SDK2: variants seen among roughly 807,000 people sequenced by gnomAD.
The protein encoded by SDK2 is sidekick cell adhesion molecule 2.
Under a neutral mutation model 253.9 loss-of-function variants are expected in SDK2, and 105 were observed. The ratio of observed to expected loss-of-function variants is 0.41; its 90% CI spans 0.35 to 0.49. SDK2 has a LOEUF of 0.49. Among genes scored for constraint, SDK2 ranks in the 20% least tolerant of loss-of-function variants. SDK2 has a pLI of 0.06. For synonymous variants in SDK2, 1,249 were observed against 1,234.9 expected (o/e 1.01, Z -0.24); for missense variants, 2,608 against 3,003.0 (o/e 0.87, Z 3.07).
chr17:73,336,877 T>TACAGGGCTGGCCTTACA lies in SDK2; in HGVS notation c.*1709_*1710insTGTAAGGCCAGCCCTGT, dbSNP rs35772919. ...CCCATCTCAGCGGTGGGGCAGGTGT[T>TACAGGGCTGGCCTTACA]GGGCTGGCCTTACAGGGCTGGCTGA... is the stretch of plus-strand genomic sequence containing the variant. On this transcript the variant is annotated 3_prime_UTR_variant, in exon 45 of 45. Coordinates refer to ENST00000392650, the MANE Select transcript of SDK2 (RefSeq NM_001144952.2). 8,204 of 152,672 alleles carry TACAGGGCTGGCCTTACA rather than the reference T, an allele frequency of 0.054. 250 individuals carry two copies. The highest frequency in any genetic ancestry group is 0.065 in the African/African-American group (2,700 of 41,504). 9.5% of individuals were successfully genotyped at this position (152,672 alleles called of 1,614,324 possible).
At chr17:73,641,561 A>G (rs1267998614) in intron 1 of SDK2, among the ~76,000 whole-genome samples, 1 of 152,122 alleles carries the variant, frequency 6.6e-6, no homozygotes, top group African/African-American at 2.4e-5. Flanking sequence ...TACCCAGGTG[A>G]TGTCGCTCAG....
chr17:73,427,433 A>G (rs1287219467), intron 12 of SDK2, among the ~76,000 whole-genome samples: 1 of 152,224 alleles, frequency 6.6e-6, no homozygotes, highest in African/African-American at 2.4e-5. Flanking sequence ...CTTTGGCACT[A>G]TAAACAGAGT....
At chr17:73,415,221 C>T (rs1461125113) in intron 17 of SDK2, among the ~76,000 whole-genome samples, 2 of 152,164 alleles carry the variant, frequency 1.3e-5, no homozygotes, top group African/African-American at 4.8e-5. Context: ...ATAGTAGGGG[C>T]CTGGTGAGAA....
At chr17:73,391,684 T>C in intron 27 of SDK2, 146 bp from the exon 28 acceptor site, 1 of 415,004 alleles carries the variant, frequency 2.4e-6, no homozygotes, top group Non-Finnish European at 4.4e-6. Context: ...GCCCTGTGCC[T>C]GACACTGTGT....
At chr17:73,582,222 G>A (rs112596646) in intron 1 of SDK2, among the ~76,000 whole-genome samples, 4 of 118,514 alleles carry the variant, frequency 3.4e-5, no homozygotes, top group African/African-American at 7.2e-5. Flanking sequence ...ATTTGGGGGC[G>A]CACACCACGC....
At chr17:73,444,458 C>T (rs2145638080) in intron 5 of SDK2, among the ~76,000 whole-genome samples, 1 of 150,898 alleles carries the variant, frequency 6.6e-6, no homozygotes, top group South Asian at 2.1e-4. Flanking sequence ...GAGCTCCTGG[C>T]ATAGGGTGGG....
At position 73,335,255 on chromosome 17, in the gene SDK2, G is replaced by C. The variant is rs1274015802; in HGVS notation, c.*3332C>G. 1.3e-5 allele frequency: 2 copies of C among 152,562 alleles called. No individual in the cohort carries two copies. The highest frequency in any genetic ancestry group is 2.9e-5 in the Non-Finnish European group (2 of 68,282). 9.5% of individuals were successfully genotyped at this position (152,562 alleles called of 1,614,324 possible). ...CAACTCTGGAGGCGCAGCCAGGAAG[G>C]GGAAAGCCCTGGTGTGCCCAGCATG... On this transcript the variant is annotated 3_prime_UTR_variant, in exon 45 of 45. Transcript: ENST00000392650.
intron 8 of SDK2, among the ~76,000 whole-genome samples, chr17:73,436,593 A>AT (rs1567772150): frequency 6.6e-6 from 1 of 150,940 alleles, no homozygotes; most frequent in African/African-American, 2.4e-5. Flanking sequence ...AAAAAAAAAA[A>AT]AAAAAAAAAG....
chr17:73,397,598 G>A (rs986268275), intron 24 of SDK2, among the ~76,000 whole-genome samples: 1 of 152,150 alleles, frequency 6.6e-6, no homozygotes, highest in African/African-American at 2.4e-5. Context: ...GATGGCCCAC[G>A]GTCAGGACCC....
chr17:73,480,034 G>A (rs1424074372), intron 2 of SDK2, among the ~76,000 whole-genome samples: 1 of 152,170 alleles, frequency 6.6e-6, no homozygotes, highest in African/African-American at 2.4e-5. Context: ...ATTAAGCCTA[G>A]TACCCAATAG....
At chr17:73,422,573 G>A (rs1031759451) in intron 14 of SDK2, 139 bp from the exon 15 acceptor site, 13 of 945,828 alleles carry the variant, frequency 1.4e-5, no homozygotes, top group East Asian at 1.2e-4. Flanking sequence ...GGAGTGGCCC[G>A]CCATGCCATT....
At chr17:73,499,918 A>T (rs1567808153) in intron 2 of SDK2, among the ~76,000 whole-genome samples, 1 of 147,880 alleles carries the variant, frequency 6.8e-6, no homozygotes, top group Non-Finnish European at 1.5e-5. Flanking sequence ...TGTTTGAGTG[A>T]TCGCCTTGCT....
At chr17:73,372,240 T>A (rs1249463308) in intron 36 of SDK2, among the ~76,000 whole-genome samples, 3 of 152,168 alleles carry the variant, frequency 2.0e-5, no homozygotes, top group African/African-American at 7.2e-5. Context: ...CTGACACGCG[T>A]GCAAAGGACA....
chr17:73,376,259 A>G (rs1233988187), intron 36 of SDK2, among the ~76,000 whole-genome samples: 1 of 140,792 alleles, frequency 7.1e-6, no homozygotes, highest in Non-Finnish European at 1.5e-5. Context: ...TTCATTTACC[A>G]CCACCTGGCG....
rs146223986 is a variant in SDK2 at position 73,414,741 on chromosome 17, C to T, written c.2387G>A (p.Gly796Asp). The T allele has an allele frequency of 6.2e-7, 1 of 1,613,592 alleles. No individual in the cohort carries two copies. Among genetic ancestry groups the T allele is most frequent in the Non-Finnish European group, 8.5e-7 (1 of 1,179,692 alleles). ...TLQGVPTVPP[G>D]NVHAEATNST... ...ATTGGTGGCTTCCGCGTGCACATTG[C>T]CCGGAGGGACCGTGGGAACTAGAGG... Residue 796 changes from glycine to aspartate, a missense_variant, in exon 18 of 45, where the codon GGC (glycine) becomes GAC (aspartate). Gly to Asp is a moderately conservative substitution (Grantham distance 94). Transcript: ENST00000392650.
chr17:73,485,307 G>T (rs1202779821), intron 2 of SDK2, among the ~76,000 whole-genome samples: 1 of 152,172 alleles, frequency 6.6e-6, no homozygotes, highest in Non-Finnish European at 1.5e-5. Flanking sequence ...AGGAGGAGGT[G>T]CTGTCCAGTG....
At position 73,541,702 on chromosome 17, in the gene SDK2, C is replaced by T. The variant is rs1165803300; in HGVS notation, c.65-34105G>A. ...TGAAAATGAGTTTGCCCAGAATGCACAGCGGCAGAAGGAAGGGGGCGCGGG... is the reference window on the plus strand; with the variant it reads ...TGAAAATGAGTTTGCCCAGAATGCATAGCGGCAGAAGGAAGGGGGCGCGGG... On this transcript the variant is annotated intron_variant, in intron 1 of 44. Transcript: ENST00000392650. This position sits in a 1 kb window ranked among gnomAD's most constrained non-coding sequence, Gnocchi z 4.3. Among the ~76,000 whole-genome samples the T allele has an allele frequency of 2.0e-5, 3 of 152,178 alleles. No individual in the cohort carries two copies. Among genetic ancestry groups the T allele is most frequent in the Non-Finnish European group, 4.4e-5 (3 of 68,036 alleles).
At chr17:73,429,577 C>T (rs766630488) in intron 12 of SDK2, among the ~76,000 whole-genome samples, 27 of 152,236 alleles carry the variant, frequency 1.8e-4, no homozygotes, top group Admixed American at 1.6e-3. Context: ...CGCCCCAGGA[C>T]GCAGCTGCCT....
Position 73,443,080 on chromosome 17 carries a change from A to C in SDK2, c.614-2157T>G, listed in dbSNP as rs113574774. 1.3e-5 allele frequency among the ~76,000 whole-genome samples: 2 copies of C among 152,176 alleles called. No individual in the cohort carries two copies. Among genetic ancestry groups the C allele is most frequent in the South Asian group, 2.1e-4 (1 of 4,818 alleles). On this transcript the variant is annotated intron_variant, in intron 5 of 44. Transcript: ENST00000392650. This position sits in a 1 kb window ranked among gnomAD's most constrained non-coding sequence, Gnocchi z 4.6. The stretch of plus-strand genomic sequence containing the variant: ...CCCCTTTCCAGAAGGTTCTGGAGGT[A>C]GTAGGCCATGATGACATGCTGGGCC...
Sources: gnomAD v4.1 joint callset for allele counts (sites outside exome capture counted in the v4.1 genomes callset) on GRCh38, gnomAD v4.1.1 for gene constraint, Gnocchi (gnomAD v3.1) non-coding constraint, MANE v1.5 for transcripts, NCBI Gene and HGNC (gene_info 2026-07-23, HGNC 2026-07-21) for gene names.